Variants in UTRN observed in about 807,000 individuals in gnomAD.
The protein encoded by UTRN is utrophin.
A neutral mutation model predicts 463.9 loss-of-function variants in UTRN; 283 were observed. The ratio of observed to expected loss-of-function variants is 0.61; its 90% CI spans 0.55 to 0.67. The LOEUF (loss-of-function observed/expected upper bound fraction) is 0.67. Among genes scored for constraint, UTRN ranks in the 30% least tolerant of loss-of-function variants. The probability of loss-of-function intolerance (pLI) is 0.00; values close to 1 mark genes in which losing one functional copy is unlikely to be tolerated. For synonymous variants in UTRN, 1,442 were observed against 1,431.5 expected (o/e 1.01, Z -0.17); for missense variants, 3,922 against 4,084.3 (o/e 0.96, Z 1.08).
rs115270413 is a variant in UTRN, at chr6:144,553,005, T to C, written c.6929-1683T>C. 2.1e-3 allele frequency among the ~76,000 whole-genome samples: 314 copies of C among 152,356 alleles called. 1 individual carries two copies. The highest frequency in any genetic ancestry group is 7.3e-3 in the African/African-American group (304 of 41,584). On this transcript the variant is annotated intron_variant, in intron 48 of 74. Coordinates refer to ENST00000367545, the MANE Select transcript of UTRN (RefSeq NM_007124.3). ...GCAAGTTTTAAAGAATGATGACATG[T>C]AAGTATAACTTAAGGCCTGAACAGC...
intron 2 of UTRN, among the ~76,000 whole-genome samples, chr6:144,373,319 T>C (rs960375625): frequency 6.6e-6 from 1 of 152,172 alleles, no homozygotes; most frequent in Admixed American, 6.5e-5. Context: ...TTTCATATAA[T>C]GGAGTATTAT....
At position 144,437,729 on chromosome 6, in the gene UTRN, T is replaced by G. The variant is rs1786713873; in HGVS notation, c.1224T>G (p.Ser408Arg). ...NARWEALRVESMDRQSRLHDV... is the reference protein window; with the variant it reads ...NARWEALRVERMDRQSRLHDV... ...GATGGGAGGCTCTTAGGGTGGAGAG[T>G]ATGGACAGACAGTCCCGGTGAGTGG... is the stretch of plus-strand genomic sequence containing the variant. The change falls in exon 11 of 75, where the codon AGT (serine) becomes AGG (arginine). Residue 408 changes from serine to arginine, a missense_variant. Ser to Arg is a moderately radical substitution (Grantham distance 110). This residue lies in a region of UTRN where 2,349 missense variants were observed against 2,303.8 expected (regional missense o/e 1.02). Coordinates refer to ENST00000367545, the MANE Select transcript of UTRN (RefSeq NM_007124.3). 6.2e-7 allele frequency: 1 copy of G among 1,612,990 alleles called. No individual in the cohort carries two copies. The highest frequency in any genetic ancestry group is 8.5e-7 in the Non-Finnish European group (1 of 1,179,626).
At chr6:144,630,237 A>C (rs867568420) in intron 51 of UTRN, among the ~76,000 whole-genome samples, 1 of 152,160 alleles carries the variant, frequency 6.6e-6, no homozygotes, top group Non-Finnish European at 1.5e-5. Flanking sequence ...GTTACTAAGC[A>C]TATATATTAT....
Position 144,851,048 on chromosome 6 carries a change from C to T in UTRN, c.*51C>T. The T allele has an allele frequency of 6.2e-7, 1 of 1,612,176 alleles. No homozygotes were observed. The highest frequency in any genetic ancestry group is 8.5e-7 in the Non-Finnish European group (1 of 1,178,348). On this transcript the variant is annotated 3_prime_UTR_variant, in exon 75 of 75. Coordinates refer to ENST00000367545, the MANE Select transcript of UTRN (RefSeq NM_007124.3). ...TCCTGACGTACAGTGTTGCCCTTTT[C>T]AGCAAATGCCAATTCCAAGTTCCAT...
At chr6:144,515,558 T>C (rs1424577189) in intron 37 of UTRN, among the ~76,000 whole-genome samples, 1 of 152,256 alleles carries the variant, frequency 6.6e-6, no homozygotes, top group Admixed American at 6.5e-5. Context: ...AGGAAAGTAC[T>C]ACCTGATTTT....
Position 144,346,797 on chromosome 6 carries a change from C to T in UTRN, c.79+54890C>T, listed in dbSNP as rs117297031. 8.5e-3 allele frequency among the ~76,000 whole-genome samples: 1,290 copies of T among 152,030 alleles called. 80 individuals are homozygous for T. The East Asian group carries it at 0.17, about 20-fold the overall frequency. On this transcript the variant is annotated intron_variant, in intron 2 of 74. Coordinates refer to ENST00000367545, the MANE Select transcript of UTRN (RefSeq NM_007124.3). ...GAGATTGCGCCACTGCACTTCAGCC[C>T]GGGCATCAGGGCGAGACTCTGTTTA...
chr6:144,663,495 CA>C (rs1780088314), intron 51 of UTRN, among the ~76,000 whole-genome samples: 2 of 152,236 alleles, frequency 1.3e-5, no homozygotes, highest in Admixed American at 1.3e-4. Context: ...AAGCCATTTG[CA>C]TTGTGTACTG....
rs753467351 is a variant in UTRN, at chr6:144,771,993, T to G, written c.8557+25T>G. The G allele has an allele frequency of 3.9e-6, 3 of 766,976 alleles. No homozygotes were observed. The South Asian group carries it at 5.4e-5, about 14-fold the overall frequency. The allele number at this position is 766,976 out of a possible 1,614,324, so 47.5% of individuals were successfully genotyped here. A position where few individuals can be genotyped will look rare whatever the true frequency, so the allele number is the denominator to read the frequency against. ...GGTAAGTGTTATTAATAGTAATAAA[T>G]TAACCTAAACAACTGAGAACCGGTT... On this transcript the variant is annotated intron_variant, in intron 59 of 74. Coordinates refer to ENST00000367545, the MANE Select transcript of UTRN (RefSeq NM_007124.3).
At position 144,622,190 on chromosome 6, in the gene UTRN, T is replaced by TTTG. The variant is rs1439795642; in HGVS notation, c.7479+44904_7479+44905insGTT. Among the ~76,000 whole-genome samples, 185 of 136,204 alleles carry TTTG rather than the reference T, an allele frequency of 1.4e-3. 3 individuals are homozygous for TTTG. Among genetic ancestry groups the TTTG allele is most frequent in the African/African-American group, 5.0e-3 (183 of 36,254 alleles). 89.4% of individuals were successfully genotyped at this position (136,204 alleles called of 152,430 possible). A position where few individuals can be genotyped will look rare whatever the true frequency, so the allele number is the denominator to read the frequency against. On this transcript the variant is annotated intron_variant, in intron 51 of 74. Coordinates refer to ENST00000367545, the MANE Select transcript of UTRN (RefSeq NM_007124.3). ...GTATCCATTTTTTTTTGTTGTTTTT[T>TTTG]TTTTTTTTTTTTTTTGGAGACGGAG...
At chr6:144,757,197 AATAAT>A (rs1023952847) in intron 57 of UTRN, among the ~76,000 whole-genome samples, 31 of 151,026 alleles carry the variant, frequency 2.1e-4, no homozygotes, top group African/African-American at 7.3e-4. Flanking sequence ...TTAATGTAGG[AATAAT>A]ATATTTTTTA....
intron 54 of UTRN, among the ~76,000 whole-genome samples, chr6:144,744,579 G>A: frequency 6.7e-6 from 1 of 149,208 alleles, no homozygotes. Context: ...GACCCGAAGG[G>A]AGGAGAATGG....
intron 51 of UTRN, among the ~76,000 whole-genome samples, chr6:144,664,099 T>C (rs1420160222): frequency 6.6e-6 from 1 of 152,176 alleles, no homozygotes; most frequent in Non-Finnish European, 1.5e-5. Context: ...AGCCCTAATC[T>C]CAGTACTTGT....
chr6:144,521,462 G>A (rs546981622), intron 39 of UTRN, among the ~76,000 whole-genome samples: 1 of 152,214 alleles, frequency 6.6e-6, no homozygotes, highest in East Asian at 1.9e-4. Flanking sequence ...CAGAGATTAA[G>A]ATTACATACT....
intron 25 of UTRN, 64 bp downstream of exon 25, chr6:144,474,823 G>A: frequency 6.5e-7 from 1 of 1,547,138 alleles, no homozygotes; most frequent in African/African-American, 1.4e-5. Context: ...TCTCTCAGCT[G>A]ACTAAATGTA....
At chr6:144,561,084 G>A (rs1025557226) in intron 50 of UTRN, among the ~76,000 whole-genome samples, 2 of 149,686 alleles carry the variant, frequency 1.3e-5, no homozygotes. Context: ...AAATTTTCTA[G>A]TGCCAGTTGA....
intron 25 of UTRN, among the ~76,000 whole-genome samples, chr6:144,477,675 C>G (rs1243726514): frequency 6.6e-6 from 1 of 152,068 alleles, no homozygotes; most frequent in African/African-American, 2.4e-5. Context: ...TTCTGCAAAA[C>G]CACAATACTA....
At chr6:144,709,863 T>C (rs927844596) in intron 53 of UTRN, among the ~76,000 whole-genome samples, 7 of 152,344 alleles carry the variant, frequency 4.6e-5, no homozygotes, top group African/African-American at 1.7e-4. Flanking sequence ...TATCTTTATA[T>C]ATTCTAGTCC....
chr6:144,336,445 G>T (rs776678484), intron 2 of UTRN, among the ~76,000 whole-genome samples: 3 of 152,102 alleles, frequency 2.0e-5, no homozygotes, highest in African/African-American at 4.8e-5. Context: ...GACCACATTG[G>T]GGTTCATAGG....
At chr6:144,831,739 C>T (rs1035042927) in intron 69 of UTRN, among the ~76,000 whole-genome samples, 4 of 152,092 alleles carry the variant, frequency 2.6e-5, no homozygotes, top group South Asian at 4.2e-4. Flanking sequence ...GAAGTGGGAA[C>T]GCAAGGACAA....
Sources: allele counts gnomAD v4.1 joint callset (sites outside exome capture counted in the v4.1 genomes callset), GRCh38; gene constraint gnomAD v4.1.1; regional missense constraint gnomAD v4.1.1; transcripts MANE v1.5; gene names NCBI Gene and HGNC (gene_info 2026-07-23, HGNC 2026-07-21).